Variants in VKORC1L1 observed in about 807,000 individuals in gnomAD.
VKORC1L1 encodes the protein vitamin K epoxide reductase complex subunit 1-like protein 1.
VKORC1L1 carries 2 observed loss-of-function variants against 18.9 expected under a neutral mutation model. That is an observed-to-expected ratio of 0.11 (90% CI 0.04 to 0.33). The LOEUF is 0.33. Among genes scored for constraint, VKORC1L1 ranks in the 10% least tolerant of loss-of-function variants. The pLI is 1.00. For synonymous variants in VKORC1L1, 96 were observed against 100.0 expected, an observed-to-expected ratio of 0.96 and a Z score of 0.24; for missense variants, 123 against 224.1, an observed-to-expected ratio of 0.55 and a Z score of 2.88.
intron 1 of VKORC1L1, among the ~76,000 whole-genome samples, chr7:65,912,425 G>A (rs371544900): frequency 3.3e-5 from 5 of 152,204 alleles, no homozygotes; most frequent in East Asian, 1.9e-4. Context: ...ATTTCAGTGC[G>A]TGTAACATCC....
intron 1 of VKORC1L1, among the ~76,000 whole-genome samples, chr7:65,934,839 G>C (rs1346085999): frequency 1.3e-5 from 2 of 152,078 alleles, no homozygotes; most frequent in African/African-American, 4.8e-5. Flanking sequence ...CAGATCACGA[G>C]GTCAGGAGTT....
At chr7:65,885,803 A>T (rs1193969654) in intron 1 of VKORC1L1, among the ~76,000 whole-genome samples, 2 of 152,086 alleles carry the variant, frequency 1.3e-5, no homozygotes, top group African/African-American at 4.8e-5. Flanking sequence ...TTGATATCTG[A>T]TAGGGCAAAT....
intron 2 of VKORC1L1, among the ~76,000 whole-genome samples, chr7:65,950,138 G>T (rs1312178605): frequency 3.3e-5 from 5 of 151,330 alleles, no homozygotes; most frequent in African/African-American, 1.2e-4. Context: ...ATTGCTAATA[G>T]TTACACATTA....
chr7:65,900,996 C>T (rs1789305712), intron 1 of VKORC1L1, among the ~76,000 whole-genome samples: 1 of 152,142 alleles, frequency 6.6e-6, no homozygotes, highest in East Asian at 1.9e-4. Context: ...AGATCCTACA[C>T]AGATGGAGAA....
At position 65,929,672 on chromosome 7, in the gene VKORC1L1, G is replaced by GTT. The variant is rs1789825279; in HGVS notation, c.195-18998_195-18997insTT. ...TATATATGTATGTGTGTGTGTGTAT[G>GTT]TGTGTGTGTGTATATATATATATAT... On this transcript the variant is annotated intron_variant, in intron 1 of 2. Coordinates refer to ENST00000360768, the MANE Select transcript of VKORC1L1 (RefSeq NM_173517.6). Among the ~76,000 whole-genome samples the GTT allele has an allele frequency of 2.8e-5, 3 of 107,796 alleles. No individual in the cohort carries two copies. In the Admixed American group the frequency reaches 3.2e-4, roughly 11 times the overall value. 70.7% of individuals were successfully genotyped at this position (107,796 alleles called of 152,430 possible). A position where few individuals can be genotyped will look rare whatever the true frequency, so the allele number is the denominator to read the frequency against.
At chr7:65,931,516 C>T (rs1789857100) in intron 1 of VKORC1L1, among the ~76,000 whole-genome samples, 1 of 152,084 alleles carries the variant, frequency 6.6e-6, no homozygotes, top group Non-Finnish European at 1.5e-5. Context: ...CTTTATTATC[C>T]TCTTAATGTA....
intron 1 of VKORC1L1, among the ~76,000 whole-genome samples, chr7:65,899,172 C>T (rs1468944322): frequency 6.6e-6 from 1 of 152,174 alleles, no homozygotes; most frequent in Non-Finnish European, 1.5e-5. Flanking sequence ...CCATTTGAAG[C>T]CTGGTTTATG....
At chr7:65,925,418 C>CCGGT (rs1789746059) in intron 1 of VKORC1L1, among the ~76,000 whole-genome samples, 1 of 152,176 alleles carries the variant, frequency 6.6e-6, no homozygotes, top group African/African-American at 2.4e-5. Flanking sequence ...CAGTTCTGAC[C>CCGGT]CCTTCAATCT....
intron 1 of VKORC1L1, among the ~76,000 whole-genome samples, chr7:65,904,957 C>T (rs1038233131): frequency 1.3e-5 from 2 of 151,638 alleles, no homozygotes; most frequent in Admixed American, 6.6e-5. Flanking sequence ...TTATACACAT[C>T]GTATACATAT....
intron 1 of VKORC1L1, among the ~76,000 whole-genome samples, chr7:65,944,094 T>C (rs1331948965): frequency 6.6e-6 from 1 of 151,864 alleles, no homozygotes; most frequent in African/African-American, 2.4e-5. Context: ...ATTAGCCAGG[T>C]GTGGTGGAAC....
At chr7:65,903,589 T>G (rs1037903584) in intron 1 of VKORC1L1, among the ~76,000 whole-genome samples, 2 of 152,134 alleles carry the variant, frequency 1.3e-5, no homozygotes, top group African/African-American at 4.8e-5. Flanking sequence ...CTGGGTGACA[T>G]GGCGAAAGCC....
intron 1 of VKORC1L1, among the ~76,000 whole-genome samples, chr7:65,926,299 G>T (rs1333518281): frequency 1.3e-5 from 2 of 151,998 alleles, no homozygotes; most frequent in African/African-American, 4.8e-5. Flanking sequence ...GGGACTACAG[G>T]CACCCGCCAC....
chr7:65,883,431 C>T (rs1788961407), intron 1 of VKORC1L1, among the ~76,000 whole-genome samples: 1 of 151,752 alleles, frequency 6.6e-6, no homozygotes, highest in African/African-American at 2.4e-5. Flanking sequence ...CAATTACAGG[C>T]ATGAGCCACC....
At chr7:65,897,275 T>G (rs1789229948) in intron 1 of VKORC1L1, among the ~76,000 whole-genome samples, 1 of 152,174 alleles carries the variant, frequency 6.6e-6, no homozygotes, top group Non-Finnish European at 1.5e-5. Flanking sequence ...GTTAAGCAAA[T>G]TGAAACTATA....
intron 1 of VKORC1L1, among the ~76,000 whole-genome samples, chr7:65,925,943 G>T (rs1293353700): frequency 6.6e-6 from 1 of 151,910 alleles, no homozygotes; most frequent in African/African-American, 2.4e-5. Flanking sequence ...TGGTGGAAAT[G>T]ATTTTTCTGA....
At chr7:65,935,349 CA>C (rs1789925680) in intron 1 of VKORC1L1, among the ~76,000 whole-genome samples, 1 of 151,718 alleles carries the variant, frequency 6.6e-6, no homozygotes, top group Non-Finnish European at 1.5e-5. Context: ...CTTGGTCTGT[CA>C]CCAGGCTGGA....
At chr7:65,951,440 G>A (rs1235373414) in intron 2 of VKORC1L1, among the ~76,000 whole-genome samples, 1 of 152,004 alleles carries the variant, frequency 6.6e-6, no homozygotes, top group Non-Finnish European at 1.5e-5. Flanking sequence ...CAGGTGTGGT[G>A]CCGCACACCT....
chr7:65,915,455 G>C (rs1789572809), intron 1 of VKORC1L1, among the ~76,000 whole-genome samples: 1 of 149,670 alleles, frequency 6.7e-6, no homozygotes, highest in Non-Finnish European at 1.5e-5. Context: ...CTGCCACCGA[G>C]GCTGGAGTGC....
At chr7:65,870,384 T>G (rs1168432304), upstream of VKORC1L1, among the ~76,000 whole-genome samples, 2 of 151,980 alleles carry the variant, frequency 1.3e-5, no homozygotes, top group Non-Finnish European at 2.9e-5. Flanking sequence ...GAGTCGAGAT[T>G]GCATCATTGC....
Sources: gnomAD v4.1 joint callset for allele counts (sites outside exome capture counted in the v4.1 genomes callset) on GRCh38, gnomAD v4.1.1 for gene constraint, MANE v1.5 for transcripts, NCBI Gene and HGNC (gene_info 2026-07-23, HGNC 2026-07-21) for gene names.